The following ZNF217 variants were observed in gnomAD, a reference collection of about 807,000 sequenced individuals.
ZNF217 encodes the protein zinc finger protein 217.
ZNF217 carries 12 observed loss-of-function variants against 73.3 expected under a neutral mutation model. That is an observed-to-expected ratio of 0.16 (90% CI 0.10 to 0.27). The LOEUF is 0.27. Among genes scored for constraint, ZNF217 ranks in the 10% least tolerant of loss-of-function variants. The pLI is 1.00. For synonymous variants in ZNF217, 588 were observed against 516.4 expected, an observed-to-expected ratio of 1.14 and a Z score of -1.88; for missense variants, 1,195 against 1,327.8, an observed-to-expected ratio of 0.90 and a Z score of 1.55.
Position 53,576,573 on chromosome 20 carries a change from G to A in ZNF217, c.2191C>T (p.Leu731=). The A allele has an allele frequency of 1.2e-6, 2 of 1,614,218 alleles. No individual in the cohort carries two copies. Among genetic ancestry groups the A allele is most frequent in the Non-Finnish European group, 1.7e-6 (2 of 1,180,044 alleles). Residue 731 remains leucine, a synonymous_variant, in exon 4 of 6, where the codon CTG becomes TTG. Coordinates refer to ENST00000371471, the MANE Select transcript of ZNF217 (RefSeq NM_006526.3). ...YPEVLMMHQR[L]EHKYNPDVHK... ...ACGTCAGGATTGTATTTATGCTCCA[G>A]TCTCTGGTGCATCATTAAAACTTCT...
At chr20:53,586,024 T>C (rs189884295) in intron 1 of ZNF217, among the ~76,000 whole-genome samples, 64 of 152,256 alleles carry the variant, frequency 4.2e-4, no homozygotes, top group African/African-American at 1.4e-3. Flanking sequence ...CAGCACACCC[T>C]ACCCCCCCAA....
intron 4 of ZNF217, 64 bp from the exon 5 acceptor site, chr20:53,571,917 T>C (rs1988028847): frequency 4.0e-6 from 6 of 1,494,434 alleles, no homozygotes; most frequent in Non-Finnish European, 5.3e-6. Flanking sequence ...GTGTATAGGT[T>C]TTTAGAAGTC....
intron 4 of ZNF217, 101 bp downstream of exon 4, chr20:53,575,626 C>G: frequency 4.1e-6 from 5 of 1,206,098 alleles, no homozygotes; most frequent in Non-Finnish European, 5.6e-6. Flanking sequence ...TGGCTGCCTA[C>G]CCCCCACCCT....
chr20:53,583,961 A>G (rs1988601728), intron 1 of ZNF217, among the ~76,000 whole-genome samples: 1 of 152,280 alleles, frequency 6.6e-6, no homozygotes, highest in South Asian at 2.1e-4. Context: ...GTGAATGTAT[A>G]GATTTAAAAT....
intron 1 of ZNF217, among the ~76,000 whole-genome samples, chr20:53,593,080 G>A (rs1262745953): frequency 1.3e-5 from 2 of 151,966 alleles, no homozygotes; most frequent in East Asian, 1.9e-4. Flanking sequence ...GCAGCCCCGT[G>A]CATCCCTGTT....
chr20:53,582,839 T>G lies in ZNF217; in HGVS notation c.-13A>C, dbSNP rs747304741. On this transcript the variant is annotated 5_prime_UTR_variant, in exon 2 of 6. Coordinates refer to ENST00000371471, the MANE Select transcript of ZNF217 (RefSeq NM_006526.3). This position sits in a 1 kb window ranked among gnomAD's most constrained non-coding sequence, Gnocchi z 4.8. ...CTTTCGATTGCATATAATCTCAAAG[T>G]TCCGTTGGGCAATTTCTGGAGTTGG... is the stretch of plus-strand genomic sequence containing the variant. 5.1e-6 allele frequency: 8 copies of G among 1,576,962 alleles called. No homozygotes were observed. The highest frequency in any genetic ancestry group is 3.5e-6 in the Non-Finnish European group (4 of 1,159,336).
intron 1 of ZNF217, among the ~76,000 whole-genome samples, chr20:53,584,813 T>C (rs1240548509): frequency 2.6e-5 from 4 of 152,180 alleles, no homozygotes; most frequent in South Asian, 2.1e-4. Flanking sequence ...GAAGCTTAAG[T>C]TTCATTTGCT....
upstream of ZNF217, among the ~76,000 whole-genome samples, chr20:53,594,949 A>G (rs913926539): frequency 6.8e-6 from 1 of 147,318 alleles, no homozygotes; most frequent in Non-Finnish European, 1.5e-5. Flanking sequence ...GGCTTGCGCT[A>G]TTCTAACTTG....
At chr20:53,571,112 T>C (rs1383276192) in intron 5 of ZNF217, among the ~76,000 whole-genome samples, 4 of 152,218 alleles carry the variant, frequency 2.6e-5, no homozygotes, top group Admixed American at 1.3e-4. Context: ...TTATTGATGA[T>C]GATGCATGAA....
In ZNF217 at chr20:53,575,604, C is replaced by T. The variant is rs1988221553; in HGVS notation, c.3037+123G>A. On this transcript the variant is annotated intron_variant, in intron 4 of 5. Transcript: ENST00000371471. ...TCTAAGAATGCTTCTCTCTGTGACC[C>T]CCAAGAACTTCTGGCTGCCTACCCC... The T allele has an allele frequency of 1.7e-5, 16 of 915,506 alleles. 2 individuals are homozygous for T. The South Asian group carries it at 2.7e-4, about 16-fold the overall frequency. The allele number at this position is 915,506 out of a possible 1,614,324, so 56.7% of individuals were successfully genotyped here.
intron 5 of ZNF217, chr20:53,570,582 C>T (rs926829370): frequency 1.3e-5 from 2 of 152,534 alleles, no homozygotes; most frequent in Non-Finnish European, 2.9e-5. Flanking sequence ...ACACCTTCTG[C>T]CCAAACTAAT....
At chr20:53,595,336 T>C (rs923139295), upstream of ZNF217, among the ~76,000 whole-genome samples, 2 of 152,186 alleles carry the variant, frequency 1.3e-5, no homozygotes, top group Non-Finnish European at 2.9e-5. Context: ...TTACCGGCCT[T>C]CAGCATATCC....
rs1324200385 is a variant in ZNF217, at chr20:53,575,806, A to C, written c.2958T>G (p.Val986=). The change falls in exon 4 of 6, where the codon GTT becomes GTG. Residue 986 remains valine, a synonymous_variant. Coordinates refer to ENST00000371471, the MANE Select transcript of ZNF217 (RefSeq NM_006526.3). ...SEVDSPNVLT[V]QKPYGGSGPL... ...GCCCGGAGCCACCATAGGGCTTCTG[A>C]ACAGTCAGCACATTTGGAGAATCGA... The C allele has an allele frequency of 1.2e-6, 2 of 1,614,096 alleles. No homozygotes were observed. The highest frequency in any genetic ancestry group is 2.2e-5 in the South Asian group (2 of 91,060).
At chr20:53,585,913 G>C (rs983971758) in intron 1 of ZNF217, among the ~76,000 whole-genome samples, 5 of 152,104 alleles carry the variant, frequency 3.3e-5, no homozygotes, top group Non-Finnish European at 7.4e-5. Flanking sequence ...CTCCAGGAAA[G>C]CTTCTGAGAC....
At chr20:53,577,430 C>T in intron 3 of ZNF217, 150 bp from the exon 4 acceptor site, 1 of 723,040 alleles carries the variant, frequency 1.4e-6, no homozygotes, top group South Asian at 2.0e-5. Flanking sequence ...CTTTATCATC[C>T]TTACTGTAAT....
rs1170985716 is a variant in ZNF217, at chr20:53,568,145, C to A, written c.*1143G>T. On this transcript the variant is annotated 3_prime_UTR_variant, in exon 6 of 6. Transcript: ENST00000371471. ...TAGAAACAGATTTTCTCTTTCTAGA[C>A]TCCCAGCGGGCTCGGCCAGCAGTTC... The A allele has an allele frequency of 6.6e-6, 1 of 152,160 alleles. No individual in the cohort carries two copies. The highest frequency in any genetic ancestry group is 1.5e-5 in the Non-Finnish European group (1 of 68,042). The allele number at this position is 152,160 out of a possible 1,614,324, so 9.4% of individuals were successfully genotyped here.
chr20:53,579,572 C>T (rs1018243289), intron 2 of ZNF217, among the ~76,000 whole-genome samples: 6 of 152,178 alleles, frequency 3.9e-5, no homozygotes, highest in Non-Finnish European at 8.8e-5. Context: ...CAATTTCCGA[C>T]TCCCAACTAT....
Position 53,575,847 on chromosome 20 carries a change from G to C in ZNF217, c.2917C>G (p.Leu973Val), listed in dbSNP as rs1366491793. ...GGAGAATCGACCTCGCTGGAGCTCA[G>C]GAACCTTGGTTTGGGAGGCAGCGCC... ...SQALPPKPRF[L>V]SSSEVDSPNV... The change falls in exon 4 of 6, where the codon CTG becomes GTG. Residue 973 changes from leucine (L) to valine (V), a missense_variant. Physicochemically the swap from Leu to Val is conservative, Grantham distance 32. Coordinates refer to ENST00000371471, the MANE Select transcript of ZNF217 (RefSeq NM_006526.3). The C allele has an allele frequency of 1.4e-5, 22 of 1,614,222 alleles. No homozygotes were observed. Among genetic ancestry groups the C allele is most frequent in the Non-Finnish European group, 1.8e-5 (21 of 1,180,040 alleles).
chr20:53,576,722 T>C lies in ZNF217; in HGVS notation c.2042A>G (p.Asp681Gly). Residue 681 changes from aspartate to glycine, a missense_variant, in exon 4 of 6, where the codon GAT (aspartate) becomes GGT (glycine). Around this residue, in one of 9 missense-constraint regions of ZNF217, gnomAD observed 649 missense variants for 642.8 expected, o/e 1.01. Transcript: ENST00000371471. Reference sequence around the variant, plus strand: ...TAAATTTAAAGGTTTTTCGTGACAATCCACACTTGGCCTGTATCTGCAGTC... The same window carrying C: ...TAAATTTAAAGGTTTTTCGTGACAACCCACACTTGGCCTGTATCTGCAGTC... Reference protein sequence around the residue: ...AADCRYRPSVDCHEKPLNLSV... With the variant: ...AADCRYRPSVGCHEKPLNLSV... The C allele has an allele frequency of 6.2e-7, 1 of 1,614,180 alleles. No homozygotes were observed. Among genetic ancestry groups the C allele is most frequent in the Admixed American group, 1.7e-5 (1 of 60,028 alleles).
Sources: allele counts gnomAD v4.1 joint callset (sites outside exome capture counted in the v4.1 genomes callset), GRCh38; gene constraint gnomAD v4.1.1; regional missense constraint gnomAD v4.1.1; non-coding constraint Gnocchi (gnomAD v3.1); transcripts MANE v1.5; gene names NCBI Gene and HGNC (gene_info 2026-07-23, HGNC 2026-07-21).